FBN3: variants seen among roughly 807,000 people sequenced by gnomAD.
FBN3 encodes the protein fibrillin 3.
Under a neutral mutation model 330.1 loss-of-function variants are expected in FBN3, and 234 were observed. The observed-to-expected ratio is 0.71, with a 90% CI of 0.64 to 0.79. The LOEUF (loss-of-function observed/expected upper bound fraction) is 0.79, where lower values mean the gene tolerates loss of function less well. Ranked by LOEUF, FBN3 falls within the 30% of genes least tolerant of loss-of-function variation. The probability of loss-of-function intolerance (pLI) is 0.00; values close to 1 mark genes in which losing one functional copy is unlikely to be tolerated. For missense variants in FBN3, 3,606 were observed against 3,886.9 expected (o/e 0.93, Z 1.92); for synonymous variants, 1,458 against 1,517.3 (o/e 0.96, Z 0.91).
intron 59 of FBN3, among the ~76,000 whole-genome samples, chr19:8,078,844 TG>T (rs1213922891): frequency 2.6e-5 from 4 of 151,604 alleles, no homozygotes; most frequent in Non-Finnish European, 5.9e-5. Context: ...TGCAGTGGTA[TG>T]AACACTGCTC....
At position 8,072,030 on chromosome 19, in the gene FBN3, G is replaced by A. The variant is rs1321271969; in HGVS notation, c.8088+18C>T. The stretch of plus-strand genomic sequence containing the variant: ...CCCATTCCCTGGCCACCCCTGCCTA[G>A]TGCAGCACCCATGTCACCTGGTGGT... On this transcript the variant is annotated intron_variant, in intron 63 of 63. Transcript: ENST00000600128. 9.3e-6 allele frequency: 15 copies of A among 1,608,410 alleles called. No individual in the cohort carries two copies. The East Asian group carries it at 1.3e-4, about 14-fold the overall frequency.
At chr19:8,072,337 G>C (rs1274634312) in intron 62 of FBN3, 139 bp from the exon 63 acceptor site, 1 of 855,090 alleles carries the variant, frequency 1.2e-6, no homozygotes, top group Non-Finnish European at 1.8e-6. Flanking sequence ...GCATGTGCTG[G>C]TGTGGCTCCG....
chr19:8,135,936 G>GGGGGGGGGGGGGCGGCCC, intron 13 of FBN3, 25 bp downstream of exon 13: 1 of 668,778 alleles, frequency 1.5e-6, no homozygotes, highest in Non-Finnish European at 2.4e-6. Context: ...GGAAGCCCCT[G>GGGGGGGGGGGGGCGGCCC]CCCACCCGCC....
intron 4 of FBN3, 88 bp downstream of exon 4, chr19:8,146,039 C>T: frequency 6.7e-7 from 1 of 1,496,582 alleles, no homozygotes. Flanking sequence ...CCGCTCCTGT[C>T]CTTCAACAAA....
In FBN3 at chr19:8,096,459, G is replaced by A. The variant is rs1414747855; in HGVS notation, c.5524C>T (p.Gln1842Ter). The A allele has an allele frequency of 1.2e-6, 2 of 1,613,890 alleles. No homozygotes were observed. Among genetic ancestry groups the A allele is most frequent in the Non-Finnish European group, 1.7e-6 (2 of 1,179,900 alleles). Residue 1842 changes from glutamine (Q) to a stop codon, truncating the protein, a stop_gained, in exon 44 of 64, where the codon CAG (glutamine) becomes TAG (stop). Coordinates refer to ENST00000600128, the MANE Select transcript of FBN3 (RefSeq NM_032447.5). LOFTEE classifies it high-confidence loss of function. The surrounding 1 kb of genome is among the most constrained non-coding windows in gnomAD (Gnocchi z 4.6). ...AGGGTCTCACCCATGCACAGGGTCTGGTCTGCAGAGGCCTGGAATCCACGG... is the reference window on the plus strand; with the variant it reads ...AGGGTCTCACCCATGCACAGGGTCTAGTCTGCAGAGGCCTGGAATCCACGG... ...CHRGFQASAD[Q>*]TLCMDIDECD...
chr19:8,121,791 C>T lies in FBN3; in HGVS notation c.3083-405G>A, dbSNP rs945007156. 2.0e-5 allele frequency among the ~76,000 whole-genome samples: 3 copies of T among 151,770 alleles called. No homozygotes were observed. Among genetic ancestry groups the T allele is most frequent in the Non-Finnish European group, 2.9e-5 (2 of 67,948 alleles). On this transcript the variant is annotated intron_variant, in intron 24 of 63. Coordinates refer to ENST00000600128, the MANE Select transcript of FBN3 (RefSeq NM_032447.5). The surrounding 1 kb of genome is among the most constrained non-coding windows in gnomAD (Gnocchi z 4.5). ...TAGAGACAGAGTCTTGCTCTGTCAC[C>T]CAGGATGGAGTGCAGTGATGCAATC...
chr19:8,090,137 C>T lies in FBN3; in HGVS notation c.6146G>A (p.Trp2049Ter). 1.2e-6 allele frequency: 2 copies of T among 1,613,902 alleles called. No homozygotes were observed. Among genetic ancestry groups the T allele is most frequent in the African/African-American group, 1.3e-5 (1 of 74,986 alleles). ...CCCSKRPGEG[W>*]GDPCELCPQE... ...GGGACACAGTTCGCAGGGGTCTCCC[C>T]AGCCCTCCCCAGGCCTCTTACTGCA... The change falls in exon 49 of 64, where the codon TGG (tryptophan) becomes TAG (stop). Residue 2049 changes from tryptophan (W) to a stop codon, truncating the protein, a stop_gained. Coordinates refer to ENST00000600128, the MANE Select transcript of FBN3 (RefSeq NM_032447.5). LOFTEE classifies it high-confidence loss of function.
At chr19:8,074,871 G>T in intron 61 of FBN3, 200 bp downstream of exon 61, 1 of 601,984 alleles carries the variant, frequency 1.7e-6, no homozygotes, top group Non-Finnish European at 2.7e-6. Flanking sequence ...CCTAAGGAAT[G>T]AACTCAGACA....
chr19:8,126,676 A>G, intron 19 of FBN3, 37 bp downstream of exon 19: 1 of 1,587,346 alleles, frequency 6.3e-7, no homozygotes. Flanking sequence ...ATAGACGCCC[A>G]GCCTCTGGAA....
rs142718485 is a variant in FBN3, at chr19:8,075,372, G to A, written c.7493C>T (p.Ala2498Val). The change falls in exon 60 of 64, where the codon GCC (alanine) becomes GTC (valine). Residue 2498 changes from alanine (A) to valine (V), a missense_variant. Ala to Val is a moderately conservative substitution (Grantham distance 64). Coordinates refer to ENST00000600128, the MANE Select transcript of FBN3 (RefSeq NM_032447.5). ...ECSAQPGPCG[A>V]HGHCHNTPGS... ...CGGGGTGTTGTGGCAGTGCCCGTGG[G>A]CACCACATGGGCCAGGCTGGGCTGA... 2 of 1,613,972 alleles carry A rather than the reference G, an allele frequency of 1.2e-6. No homozygotes were observed. The highest frequency in any genetic ancestry group is 2.7e-5 in the African/African-American group (2 of 74,932).
chr19:8,091,755 T>C (rs1400536799), intron 47 of FBN3, among the ~76,000 whole-genome samples, 165 bp from the exon 48 acceptor site: 1 of 152,120 alleles, frequency 6.6e-6, no homozygotes, highest in African/African-American at 2.4e-5. Context: ...GAGGTGGGCA[T>C]TGTGTGTGCA....
At chr19:8,118,102 C>T (rs542330217) in intron 26 of FBN3, among the ~76,000 whole-genome samples, 1 of 151,910 alleles carries the variant, frequency 6.6e-6, no homozygotes, top group African/African-American at 2.4e-5. Flanking sequence ...CATAAACACA[C>T]CCTCAAACAT....
chr19:8,087,800 G>A (rs1418696345), intron 53 of FBN3, 25 bp downstream of exon 53: 3 of 1,602,036 alleles, frequency 1.9e-6, no homozygotes, highest in Non-Finnish European at 2.6e-6. Context: ...TAGAGACAGG[G>A]TTTTACCATA....
intron 14 of FBN3, among the ~76,000 whole-genome samples, chr19:8,132,650 C>A (rs192188181): frequency 2.0e-5 from 3 of 152,048 alleles, no homozygotes; most frequent in Non-Finnish European, 4.4e-5. Flanking sequence ...CACCACCATA[C>A]CTGGCTAATT....
rs769276027 is a variant in FBN3 at position 8,121,996 on chromosome 19, G to T, written c.3083-610C>A. On this transcript the variant is annotated intron_variant, in intron 24 of 63. Coordinates refer to ENST00000600128, the MANE Select transcript of FBN3 (RefSeq NM_032447.5). The surrounding 1 kb of genome is among the most constrained non-coding windows in gnomAD (Gnocchi z 4.5). ...ACTCCTGACCTAAAGCAGTCCACCCGCCTTGGCCTCCCAAAGTGCTAGGAT... is the reference window on the plus strand; with the variant it reads ...ACTCCTGACCTAAAGCAGTCCACCCTCCTTGGCCTCCCAAAGTGCTAGGAT... Among the ~76,000 whole-genome samples the T allele has an allele frequency of 1.3e-5, 2 of 151,990 alleles. No homozygotes were observed. The highest frequency in any genetic ancestry group is 4.8e-5 in the African/African-American group (2 of 41,456).
At chr19:8,078,735 G>GA (rs1236199402) in intron 59 of FBN3, among the ~76,000 whole-genome samples, 1 of 151,382 alleles carries the variant, frequency 6.6e-6, no homozygotes, top group Non-Finnish European at 1.5e-5. Context: ...ATGTTGCAGA[G>GA]AAACAGAAAT....
Position 8,138,126 on chromosome 19 carries a change from A to C in FBN3, c.1201+15T>G. ...TTCAAGTCTTGGAATGTTCCTCCCA[A>C]GCCCCAGGCCTCACCAATATTAGAG... On this transcript the variant is annotated intron_variant, in intron 10 of 63. Transcript: ENST00000600128. The C allele has an allele frequency of 6.3e-7, 1 of 1,589,598 alleles. No individual in the cohort carries two copies. The highest frequency in any genetic ancestry group is 8.5e-7 in the Non-Finnish European group (1 of 1,170,362).
chr19:8,108,061 G>T, intron 37 of FBN3, 109 bp downstream of exon 37: 1 of 848,712 alleles, frequency 1.2e-6, no homozygotes, highest in Non-Finnish European at 1.9e-6. Flanking sequence ...GGAAAGATCT[G>T]CCCCATCCCA....
At chr19:8,125,790 C>CAA (rs368396188) in intron 22 of FBN3, 102 bp downstream of exon 22, 900 of 1,078,136 alleles carry the variant, frequency 8.3e-4, no homozygotes, top group Middle Eastern at 2.1e-3. Flanking sequence ...GACTCCATCT[C>CAA]AAAAAAAAAA....
Sources: gnomAD v4.1 joint callset for allele counts (sites outside exome capture counted in the v4.1 genomes callset) on GRCh38, gnomAD v4.1.1 for gene constraint, Gnocchi (gnomAD v3.1) non-coding constraint, MANE v1.5 for transcripts, NCBI Gene and HGNC (gene_info 2026-07-23, HGNC 2026-07-21) for gene names.